Variants in NEK1 observed in about 807,000 individuals in gnomAD.
NEK1 encodes NIMA related kinase 1.
A neutral mutation model predicts 182.1 loss-of-function variants in NEK1; 137 were observed. That is an observed-to-expected ratio of 0.75 (90% CI 0.65 to 0.87). The LOEUF is 0.87. Among genes scored for constraint, NEK1 ranks in the 40% least tolerant of loss-of-function variants. NEK1 has a pLI of 0.00. For missense variants in NEK1, 1,391 were observed against 1,494.4 expected (o/e 0.93, Z 1.14); for synonymous variants, 513 against 492.2 (o/e 1.04, Z -0.56).
chr4:169,481,483 G>C (rs537448370), intron 23 of NEK1, among the ~76,000 whole-genome samples: 33 of 152,192 alleles, frequency 2.2e-4, no homozygotes, highest in Admixed American at 9.8e-4. Context: ...CTGCAGAATG[G>C]ATGTCGTGTT....
intron 31 of NEK1, among the ~76,000 whole-genome samples, chr4:169,414,399 G>C (rs983976983): frequency 1.3e-5 from 2 of 150,690 alleles, no homozygotes; most frequent in African/African-American, 4.9e-5. Context: ...AATTTTATTG[G>C]TTGTTATCCA....
chr4:169,429,899 G>C (rs962881586), intron 29 of NEK1, among the ~76,000 whole-genome samples: 5 of 151,878 alleles, frequency 3.3e-5, no homozygotes, highest in African/African-American at 1.2e-4. Context: ...ATGTTAGGCT[G>C]CCTCCTTTAA....
rs569024893 is a variant in NEK1, at chr4:169,507,870, T to G, written c.1834-78A>C. On this transcript the variant is annotated intron_variant, in intron 21 of 35. Transcript: ENST00000507142. The stretch of plus-strand genomic sequence containing the variant: ...TGCAGAGCTCTGTGAAAGATAACAA[T>G]GAATAAACTAAAATCTAAAAATATA... 2.4e-5 allele frequency: 25 copies of G among 1,036,740 alleles called. No homozygotes were observed. In the African/African-American group the frequency reaches 3.3e-4, roughly 14 times the overall value. 64.2% of individuals were successfully genotyped at this position (1,036,740 alleles called of 1,614,324 possible).
In NEK1 at chr4:169,419,341, A is replaced by G. The variant is rs190004321; in HGVS notation, c.3222+5212T>C. Among the ~76,000 whole-genome samples, 71 of 152,294 alleles carry G rather than the reference A, an allele frequency of 4.7e-4. No homozygotes were observed. In the East Asian group the frequency reaches 0.011, roughly 24 times the overall value. ...CTTTCATACAAACAAAATCTGAAAA[A>G]AAAAATCATCATCAACAGGGCTGTG... On this transcript the variant is annotated intron_variant, in intron 31 of 35. Transcript: ENST00000507142.
At chr4:169,464,283 C>A (rs140351964) in intron 26 of NEK1, among the ~76,000 whole-genome samples, 2 of 152,098 alleles carry the variant, frequency 1.3e-5, no homozygotes, top group Non-Finnish European at 2.9e-5. Context: ...GTTAAGCAAC[C>A]GCAGGCTTTC....
intron 26 of NEK1, among the ~76,000 whole-genome samples, chr4:169,469,864 A>G (rs1398062914): frequency 1.3e-5 from 2 of 151,194 alleles, no homozygotes; most frequent in African/African-American, 4.9e-5. Context: ...TCCCTTTACC[A>G]TTATGTAATG....
intron 19 of NEK1, among the ~76,000 whole-genome samples, chr4:169,536,829 G>A (rs948419485): frequency 6.6e-6 from 1 of 152,120 alleles, no homozygotes; most frequent in African/African-American, 2.4e-5. Flanking sequence ...CAAAGGAAAA[G>A]GCTGGAGGTT....
At chr4:169,593,615 T>C (rs1264165068) in intron 5 of NEK1, among the ~76,000 whole-genome samples, 1 of 152,226 alleles carries the variant, frequency 6.6e-6, no homozygotes, top group African/African-American at 2.4e-5. Flanking sequence ...TCATTCCCTT[T>C]GTCTACCCTA....
At chr4:169,441,368 G>A (rs1439463315) in intron 27 of NEK1, among the ~76,000 whole-genome samples, 1 of 152,210 alleles carries the variant, frequency 6.6e-6, no homozygotes, top group Non-Finnish European at 1.5e-5. Flanking sequence ...TGGTAGCTGG[G>A]AGATCGATCT....
chr4:169,434,701 T>A (rs575453594), intron 28 of NEK1, among the ~76,000 whole-genome samples: 55 of 152,354 alleles, frequency 3.6e-4, no homozygotes, highest in Admixed American at 6.5e-4. Flanking sequence ...TCCCCTGGAA[T>A]ACAGACATAC....
At position 169,556,316 on chromosome 4, in the gene NEK1, G is replaced by T. The variant is rs1262833762; in HGVS notation, c.1267-221C>A. 1.3e-5 allele frequency among the ~76,000 whole-genome samples: 2 copies of T among 152,084 alleles called. 1 individual carries two copies. Among genetic ancestry groups the T allele is most frequent in the Admixed American group, 1.3e-4 (2 of 15,262 alleles). ...TTTGTAATTGATAATAAAGCATAAT[G>T]TGACAAACAAAAACAGCAAAATGAC... On this transcript the variant is annotated intron_variant, in intron 16 of 35. Transcript: ENST00000507142.
At chr4:169,494,109 T>G (rs1385188090) in intron 23 of NEK1, among the ~76,000 whole-genome samples, 1 of 152,112 alleles carries the variant, frequency 6.6e-6, no homozygotes, top group East Asian at 1.9e-4. Context: ...TCTTTTTTTT[T>G]TTTTTATACT....
intron 15 of NEK1, 37 bp from the exon 16 acceptor site, chr4:169,561,591 G>C: frequency 6.2e-7 from 1 of 1,602,788 alleles, no homozygotes; most frequent in Non-Finnish European, 8.5e-7. Context: ...ACCATTTCAA[G>C]TATTTAATAT....
At chr4:169,418,088 C>G (rs1485018239) in intron 31 of NEK1, among the ~76,000 whole-genome samples, 1 of 152,158 alleles carries the variant, frequency 6.6e-6, no homozygotes, top group Non-Finnish European at 1.5e-5. Flanking sequence ...CTGAACAATG[C>G]TCAGAGCTCA....
chr4:169,603,438 T>C (rs967959077), intron 2 of NEK1, among the ~76,000 whole-genome samples: 3 of 152,254 alleles, frequency 2.0e-5, no homozygotes, highest in Admixed American at 1.3e-4. Flanking sequence ...TTATTTGTTA[T>C]GTAAACTTAG....
intron 19 of NEK1, among the ~76,000 whole-genome samples, chr4:169,529,596 G>A (rs145614316): frequency 2.0e-5 from 3 of 152,236 alleles, no homozygotes; most frequent in African/African-American, 7.2e-5. Flanking sequence ...CAAAGTTAAA[G>A]CCTCATCCTC....
chr4:169,539,204 G>A (rs186138586), intron 18 of NEK1, among the ~76,000 whole-genome samples: 103 of 152,226 alleles, frequency 6.8e-4, no homozygotes, highest in African/African-American at 2.4e-3. Flanking sequence ...AGCTTGAGTA[G>A]GCTGAACACA....
intron 21 of NEK1, 64 bp from the exon 22 acceptor site, chr4:169,507,856 G>A: frequency 8.6e-7 from 1 of 1,169,418 alleles, no homozygotes; most frequent in Non-Finnish European, 1.3e-6. Flanking sequence ...GCAGAGCTCT[G>A]TGAAAGATAA....
chr4:169,556,023 G>A lies in NEK1; in HGVS notation c.1339C>T (p.His447Tyr), dbSNP rs768920137. 6.2e-7 allele frequency: 1 copy of A among 1,613,558 alleles called. No homozygotes were observed. Among genetic ancestry groups the A allele is most frequent in the East Asian group, 2.2e-5 (1 of 44,882 alleles). ...TGCTGCATTTGGTCAAAAATGGCAT[G>A]GTAATGTTCATACTGTCCTCGAGAA... is the stretch of plus-strand genomic sequence containing the variant. Reference protein sequence around the residue: ...FSSRGQYEHYHAIFDQMQQQR... With the variant: ...FSSRGQYEHYYAIFDQMQQQR... The change falls in exon 17 of 36, where the codon CAT (histidine) becomes TAT (tyrosine). Residue 447 changes from histidine (H) to tyrosine (Y), a missense_variant. Physicochemically the swap from His to Tyr is moderately conservative, Grantham distance 83 (BLOSUM62 2). This residue lies in a region of NEK1 where 1,216 missense variants were observed against 1,277.6 expected (regional missense o/e 0.95). Transcript: ENST00000507142.
Sources: allele counts gnomAD v4.1 joint callset (sites outside exome capture counted in the v4.1 genomes callset), GRCh38; gene constraint gnomAD v4.1.1; regional missense constraint gnomAD v4.1.1; transcripts MANE v1.5; gene names NCBI Gene and HGNC (gene_info 2026-07-23, HGNC 2026-07-21).